DNAH6: variants seen among roughly 807,000 people sequenced by gnomAD.
DNAH6 encodes axonemal beta dynein heavy chain 6.
Under a neutral mutation model 491.4 loss-of-function variants are expected in DNAH6, and 340 were observed. The ratio of observed to expected loss-of-function variants is 0.69; its 90% CI spans 0.63 to 0.76. The LOEUF (loss-of-function observed/expected upper bound fraction) is 0.76, where lower values mean the gene tolerates loss of function less well. Ranked by LOEUF, DNAH6 falls within the 30% of genes least tolerant of loss-of-function variation. The pLI, the probability that DNAH6 is intolerant of heterozygous loss-of-function variation, is 0.00. For synonymous variants in DNAH6, 1,603 were observed against 1,686.1 expected (o/e 0.95, Z 1.21); for missense variants, 4,443 against 4,972.2 (o/e 0.89, Z 3.20).
chr2:84,599,299 T>A (rs1309817706), intron 18 of DNAH6, among the ~76,000 whole-genome samples: 5 of 152,128 alleles, frequency 3.3e-5, no homozygotes, highest in African/African-American at 1.2e-4. Flanking sequence ...TCCTGTACAG[T>A]GATTTTCACA....
intron 60 of DNAH6, among the ~76,000 whole-genome samples, chr2:84,725,865 C>T (rs1029217231): frequency 2.6e-5 from 4 of 152,196 alleles, no homozygotes; most frequent in Non-Finnish European, 2.9e-5. Flanking sequence ...GCTTTAACCT[C>T]TATGGTTCTT....
Position 84,654,685 on chromosome 2 carries a change from C to T in DNAH6, c.5660C>T (p.Pro1887Leu), listed in dbSNP as rs1345264257. The change falls in exon 35 of 77, where the codon CCT becomes CTT. Residue 1887 changes from proline (P) to leucine (L), a missense_variant. Around this residue, in one of 3 missense-constraint regions of DNAH6, gnomAD observed 2,977 missense variants for 3,296.6 expected, o/e 0.90. Transcript: ENST00000389394. ...FEVQDLRVASPATVSRCGMVF... is the reference protein window; with the variant it reads ...FEVQDLRVASLATVSRCGMVF... ...GTGCAAGATCTGCGGGTTGCCTCCC[C>T]TGCAACAGTCAGTCGATGTGGAATG... 2.6e-6 allele frequency: 4 copies of T among 1,550,904 alleles called. No homozygotes were observed. The highest frequency in any genetic ancestry group is 3.5e-6 in the Non-Finnish European group (4 of 1,146,398).
At chr2:84,590,278 G>A (rs1239709966) in intron 16 of DNAH6, among the ~76,000 whole-genome samples, 21 of 151,882 alleles carry the variant, frequency 1.4e-4, no homozygotes, top group Non-Finnish European at 2.9e-5. Flanking sequence ...GGCAAATCAC[G>A]AGGTCAGGAG....
chr2:84,519,899 A>G (rs1675983521), intron 2 of DNAH6, among the ~76,000 whole-genome samples: 1 of 152,014 alleles, frequency 6.6e-6, no homozygotes. Flanking sequence ...TACAATTTGT[A>G]ATTGTGTGTA....
intron 11 of DNAH6, among the ~76,000 whole-genome samples, chr2:84,567,848 G>C (rs1186440775): frequency 6.6e-6 from 1 of 152,062 alleles, no homozygotes; most frequent in Admixed American, 6.5e-5. Context: ...ACTATCATCA[G>C]ACTGAATAGA....
At chr2:84,797,207 C>T (rs1458782070) in intron 69 of DNAH6, among the ~76,000 whole-genome samples, 2 of 152,176 alleles carry the variant, frequency 1.3e-5, no homozygotes, top group Admixed American at 1.3e-4. Flanking sequence ...TAAATTTAAG[C>T]CCTTAATGAG....
In DNAH6 at chr2:84,619,922, A is replaced by C; in HGVS notation, c.3792+18A>C. 2 of 1,536,140 alleles carry C rather than the reference A, an allele frequency of 1.3e-6. No individual in the cohort carries two copies. The highest frequency in any genetic ancestry group is 1.8e-6 in the Non-Finnish European group (2 of 1,133,864). Reference sequence around the variant, plus strand: ...GAGAAAGGGTGAGGTGCTTTTATTTATATTTCTTTATTGATGAACTTTGCT... The same window carrying C: ...GAGAAAGGGTGAGGTGCTTTTATTTCTATTTCTTTATTGATGAACTTTGCT... On this transcript the variant is annotated intron_variant, in intron 24 of 76. Transcript: ENST00000389394.
intron 7 of DNAH6, among the ~76,000 whole-genome samples, chr2:84,547,915 A>G (rs999227313): frequency 2.3e-5 from 2 of 85,394 alleles, no homozygotes; most frequent in African/African-American, 6.0e-5. Flanking sequence ...GCCTACTAGC[A>G]CAGACAATAG....
chr2:84,525,508 T>G (rs1200185433), intron 2 of DNAH6, 57 bp from the exon 3 acceptor site: 3 of 1,488,128 alleles, frequency 2.0e-6, no homozygotes, highest in African/African-American at 2.9e-5. Flanking sequence ...TAGTGAAAAA[T>G]AAAACAAGTT....
At chr2:84,597,283 G>T (rs539733141) in intron 18 of DNAH6, among the ~76,000 whole-genome samples, 26 of 152,224 alleles carry the variant, frequency 1.7e-4, no homozygotes, top group Admixed American at 8.5e-4. Context: ...CAAATAAAAA[G>T]ACAAATAACC....
chr2:84,705,838 C>T (rs182920690), intron 52 of DNAH6, 91 bp downstream of exon 52: 101 of 1,364,328 alleles, frequency 7.4e-5, no homozygotes, highest in Admixed American at 3.1e-4. Flanking sequence ...TGTGGTCCTA[C>T]GCAATATAGA....
At chr2:84,655,214 C>T (rs1690834748) in intron 35 of DNAH6, among the ~76,000 whole-genome samples, 1 of 152,080 alleles carries the variant, frequency 6.6e-6, no homozygotes, top group Non-Finnish European at 1.5e-5. Context: ...GAGCCCTTAA[C>T]ACCTATGACA....
chr2:84,653,940 T>G (rs1473194718), intron 34 of DNAH6, 66 bp downstream of exon 34: 10 of 1,318,440 alleles, frequency 7.6e-6, no homozygotes, highest in Non-Finnish European at 1.0e-5. Context: ...TTACATTTTT[T>G]TCTCACACTG....
upstream of DNAH6, among the ~76,000 whole-genome samples, chr2:84,515,906 C>T (rs553958001): frequency 1.3e-5 from 2 of 152,326 alleles, no homozygotes; most frequent in Admixed American, 6.5e-5. Context: ...CTATGCCTGA[C>T]ACCTAGGTTA....
In DNAH6 at chr2:84,547,596, A is replaced by G. The variant is rs1312234563; in HGVS notation, c.1170A>G (p.Ala390=). The G allele has an allele frequency of 6.4e-7, 1 of 1,551,916 alleles. No individual in the cohort carries two copies. Among genetic ancestry groups the G allele is most frequent in the African/African-American group, 1.4e-5 (1 of 73,132 alleles). The change falls in exon 7 of 77, where the codon GCA becomes GCG. Residue 390 remains alanine (A), a synonymous_variant. Coordinates refer to ENST00000389394, the MANE Select transcript of DNAH6 (RefSeq NM_001370.2). ...CAGGATTTGTTCCTGATGACTGTGCATTTGGACCTTTTGAGGGTATGAAGG... is the reference window on the plus strand; with the variant it reads ...CAGGATTTGTTCCTGATGACTGTGCGTTTGGACCTTTTGAGGGTATGAAGG... ...RAAGFVPDDC[A]FGPFEDYHKV... is the part of the protein sequence containing the mutation.
intron 15 of DNAH6, among the ~76,000 whole-genome samples, chr2:84,585,323 A>G (rs933503147): frequency 6.6e-6 from 1 of 152,048 alleles, no homozygotes; most frequent in African/African-American, 2.4e-5. Context: ...TTGGGGTGTC[A>G]TTTTTCTGGC....
intron 4 of DNAH6, among the ~76,000 whole-genome samples, chr2:84,541,831 G>A (rs897532306): frequency 9.2e-5 from 14 of 152,164 alleles, no homozygotes; most frequent in Non-Finnish European, 2.9e-5. Flanking sequence ...ACATTATTGT[G>A]TATCGCAATC....
At chr2:84,488,808 G>C in the DNAH6 span, among the ~76,000 whole-genome samples, 1 of 152,176 alleles carries the variant, frequency 6.6e-6, no homozygotes, top group Non-Finnish European at 1.5e-5. Flanking sequence ...ATCTTTAGGA[G>C]CTATTATTCT....
the DNAH6 span, among the ~76,000 whole-genome samples, chr2:84,489,069 G>C: frequency 1.3e-5 from 2 of 152,168 alleles, no homozygotes; most frequent in African/African-American, 4.8e-5. Context: ...TCAGGGAAAA[G>C]TGGGGTATGT....
Sources: allele counts gnomAD v4.1 joint callset (sites outside exome capture counted in the v4.1 genomes callset), GRCh38; gene constraint gnomAD v4.1.1; regional missense constraint gnomAD v4.1.1; transcripts MANE v1.5; gene names NCBI Gene and HGNC (gene_info 2026-07-23, HGNC 2026-07-21).